Variants in ACVR2A observed in about 807,000 individuals in gnomAD.
The protein encoded by ACVR2A is activin A receptor type 2A, also known as activin receptor type-2A.
A neutral mutation model predicts 61.4 loss-of-function variants in ACVR2A; 7 were observed. The ratio of observed to expected loss-of-function variants is 0.11; its 90% CI spans 0.06 to 0.21. The LOEUF (loss-of-function observed/expected upper bound fraction) is 0.21. ACVR2A is among the 10% of genes least tolerant of loss of function. The pLI, the probability that ACVR2A is intolerant of heterozygous loss-of-function variation, is 1.00. For synonymous variants in ACVR2A, 193 were observed against 208.3 expected, an observed-to-expected ratio of 0.93 and a Z score of 0.63; for missense variants, 322 against 621.7, an observed-to-expected ratio of 0.52 and a Z score of 5.13.
intron 1 of ACVR2A, among the ~76,000 whole-genome samples, chr2:147,846,383 GGTGTGT>G (rs150022727): frequency 5.3e-5 from 8 of 150,006 alleles, no homozygotes; most frequent in African/African-American, 2.0e-4. Flanking sequence ...ACCTCTGTGG[GGTGTGT>G]GTGTGTGTGT....
intron 1 of ACVR2A, among the ~76,000 whole-genome samples, chr2:147,876,296 TGTATA>T (rs1401838815): frequency 6.6e-6 from 1 of 152,080 alleles, no homozygotes; most frequent in Non-Finnish European, 1.5e-5. Context: ...TCTTTTTTAT[TGTATA>T]GTATAAATAC....
intron 1 of ACVR2A, among the ~76,000 whole-genome samples, chr2:147,858,974 G>T (rs1001431770): frequency 6.6e-6 from 1 of 152,046 alleles, no homozygotes; most frequent in African/African-American, 2.4e-5. Flanking sequence ...GAGGGCTGTA[G>T]TTTGCCAATC....
chr2:147,917,462 G>A (rs1321859757), intron 6 of ACVR2A, 36 bp downstream of exon 6: 1 of 1,604,468 alleles, frequency 6.2e-7, no homozygotes, highest in Non-Finnish European at 8.5e-7. Flanking sequence ...AGTAAAGTCT[G>A]AGTTGGCCTG....
chr2:147,915,498 G>A (rs1249327834), intron 5 of ACVR2A, among the ~76,000 whole-genome samples, 164 bp downstream of exon 5: 1 of 151,868 alleles, frequency 6.6e-6, no homozygotes, highest in Non-Finnish European at 1.5e-5. Flanking sequence ...TCTGAGAAAT[G>A]GAATTGTTAA....
rs183233938 is a variant in ACVR2A, at chr2:147,903,869, A to G, written c.528+3971A>G. 1.9e-3 allele frequency among the ~76,000 whole-genome samples: 282 copies of G among 152,090 alleles called. 1 individual carries two copies. The highest frequency in any genetic ancestry group is 0.01 in the Middle Eastern group (3 of 294). ...TAATTACTGCTGTGTCTTACACAGT[A>G]TTTGTATGGAATAATCATTCAGTAA... On this transcript the variant is annotated intron_variant, in intron 4 of 10. Coordinates refer to ENST00000241416, the MANE Select transcript of ACVR2A (RefSeq NM_001616.5).
intron 1 of ACVR2A, among the ~76,000 whole-genome samples, chr2:147,895,960 T>A (rs1253342301): frequency 6.6e-6 from 1 of 152,118 alleles, no homozygotes; most frequent in Non-Finnish European, 1.5e-5. Context: ...GAGTTATGTT[T>A]GCTTAGTTTT....
At chr2:147,895,533 C>G (rs1686709761) in intron 1 of ACVR2A, among the ~76,000 whole-genome samples, 1 of 151,966 alleles carries the variant, frequency 6.6e-6, no homozygotes, top group African/African-American at 2.4e-5. Context: ...TGGAATTGCT[C>G]CTGAGAAGAG....
chr2:147,862,239 A>G (rs777721330), intron 1 of ACVR2A, among the ~76,000 whole-genome samples: 8 of 152,024 alleles, frequency 5.3e-5, no homozygotes, highest in Non-Finnish European at 1.2e-4. Context: ...AAGTAGCAAT[A>G]TAGCAATAAT....
intron 1 of ACVR2A, among the ~76,000 whole-genome samples, chr2:147,847,200 A>G (rs1372558476): frequency 6.6e-6 from 1 of 152,132 alleles, no homozygotes; most frequent in Admixed American, 6.5e-5. Flanking sequence ...GTTGTTGCAT[A>G]GGCTTTTTAA....
chr2:147,909,301 T>C (rs1026639066), intron 4 of ACVR2A, among the ~76,000 whole-genome samples: 9 of 152,204 alleles, frequency 5.9e-5, no homozygotes, highest in Non-Finnish European at 1.3e-4. Flanking sequence ...TTAGTCCTTC[T>C]GTCCTGCACT....
chr2:147,883,370 T>G (rs1686356194), intron 1 of ACVR2A, among the ~76,000 whole-genome samples: 1 of 152,188 alleles, frequency 6.6e-6, no homozygotes. Flanking sequence ...TTTGTATTTT[T>G]GGTAGAGACA....
chr2:147,924,847 C>T (rs998581630), intron 9 of ACVR2A, among the ~76,000 whole-genome samples: 3 of 151,820 alleles, frequency 2.0e-5, no homozygotes, highest in African/African-American at 7.3e-5. Flanking sequence ...GCTAAGCTAC[C>T]AGTTGACGGC....
chr2:147,905,383 T>G (rs1249810814), intron 4 of ACVR2A, among the ~76,000 whole-genome samples: 2 of 152,146 alleles, frequency 1.3e-5, no homozygotes, highest in African/African-American at 4.8e-5. Context: ...ATTTGATTTT[T>G]TGGTAAAAAT....
chr2:147,889,466 C>T (rs576060743), intron 1 of ACVR2A, among the ~76,000 whole-genome samples: 16 of 152,152 alleles, frequency 1.1e-4, no homozygotes, highest in Admixed American at 5.9e-4. Flanking sequence ...GACTTTTGGC[C>T]GGGCGCAGTG....
intron 10 of ACVR2A, 103 bp from the exon 11 acceptor site, chr2:147,926,977 C>A: frequency 8.8e-7 from 1 of 1,132,236 alleles, no homozygotes; most frequent in Non-Finnish European, 1.3e-6. Flanking sequence ...ACAGAAACTT[C>A]TTTGACCCAG....
chr2:147,924,944 C>CCA (rs1687467631), intron 9 of ACVR2A, among the ~76,000 whole-genome samples: 1 of 151,918 alleles, frequency 6.6e-6, no homozygotes, highest in East Asian at 1.9e-4. Flanking sequence ...CAAGCAGAGA[C>CCA]CAACTGTCCA....
intron 1 of ACVR2A, among the ~76,000 whole-genome samples, chr2:147,872,434 G>C (rs1225881837): frequency 1.3e-5 from 2 of 151,396 alleles, no homozygotes; most frequent in African/African-American, 2.4e-5. Flanking sequence ...GGCAGCAATA[G>C]ACTGCAGTGA....
At chr2:147,871,174 G>C (rs996501965) in intron 1 of ACVR2A, among the ~76,000 whole-genome samples, 4 of 151,852 alleles carry the variant, frequency 2.6e-5, no homozygotes, top group Non-Finnish European at 4.4e-5. Flanking sequence ...GTGTGGAAAG[G>C]TGCCTCCCCT....
Position 147,929,644 on chromosome 2 carries a change from A to AAAC in ACVR2A, c.*2371_*2373dup, listed in dbSNP as rs1687608736. 6.6e-6 allele frequency: 1 copy of AAAC among 152,400 alleles called. No homozygotes were observed. Among genetic ancestry groups the AAAC allele is most frequent in the Non-Finnish European group, 1.5e-5 (1 of 67,964 alleles). The allele number at this position is 152,400 out of a possible 1,614,324, so 9.4% of individuals were successfully genotyped here. A position where few individuals can be genotyped will look rare whatever the true frequency, so the allele number is the denominator to read the frequency against. ...CCTGTCCTTATACCTAGTCTTGTTA[A>AAAC]AACTTTCTTTTGCAGGGTATTTAGT... On this transcript the variant is annotated 3_prime_UTR_variant, in exon 11 of 11. Transcript: ENST00000241416.
Sources: gnomAD v4.1 joint callset for allele counts (sites outside exome capture counted in the v4.1 genomes callset) on GRCh38, gnomAD v4.1.1 for gene constraint, MANE v1.5 for transcripts, NCBI Gene and HGNC (gene_info 2026-07-23, HGNC 2026-07-21) for gene names.